CCSER1: variants seen among roughly 807,000 people sequenced by gnomAD.
CCSER1 encodes the protein serine-rich coiled-coil domain-containing protein 1.
A neutral mutation model predicts 82.0 loss-of-function variants in CCSER1; 41 were observed. The ratio of observed to expected loss-of-function variants is 0.50; its 90% confidence interval spans 0.39 to 0.65. CCSER1 has a LOEUF of 0.65. Among genes scored for constraint, CCSER1 ranks in the 30% least tolerant of loss-of-function variants. The probability of loss-of-function intolerance (pLI) is 0.00; values close to 1 mark genes in which losing one functional copy is unlikely to be tolerated. For synonymous variants in CCSER1, 414 were observed against 383.9 expected, an observed-to-expected ratio of 1.08 and a Z score of -0.92; for missense variants, 1,119 against 1,064.2, an observed-to-expected ratio of 1.05 and a Z score of -0.72.
At chr4:91,069,491 ATTAG>A (rs753302184) in intron 9 of CCSER1, among the ~76,000 whole-genome samples, 12 of 152,194 alleles carry the variant, frequency 7.9e-5, no homozygotes, top group Non-Finnish European at 1.2e-4. Flanking sequence ...TTTAATTAAT[ATTAG>A]TTTAGTATCT....
intron 5 of CCSER1, among the ~76,000 whole-genome samples, chr4:90,499,033 T>G (rs1359666890): frequency 6.6e-6 from 1 of 152,142 alleles, no homozygotes; most frequent in Non-Finnish European, 1.5e-5. Context: ...ATTAATTATT[T>G]GGAAATCTTT....
intron 1 of CCSER1, among the ~76,000 whole-genome samples, chr4:90,218,788 A>T (rs906305137): frequency 6.6e-6 from 1 of 152,180 alleles, no homozygotes; most frequent in Non-Finnish European, 1.5e-5. Flanking sequence ...TGGAAGGCCA[A>T]AGTGGGAGAA....
chr4:91,336,850 T>C (rs188074341), intron 10 of CCSER1, among the ~76,000 whole-genome samples: 46 of 152,172 alleles, frequency 3.0e-4, no homozygotes, highest in Non-Finnish European at 5.0e-4. Context: ...TCAGGGAAAA[T>C]AACTGTTAAT....
intron 1 of CCSER1, among the ~76,000 whole-genome samples, chr4:90,262,167 C>T (rs1724454196): frequency 6.6e-6 from 1 of 151,808 alleles, no homozygotes; most frequent in South Asian, 2.1e-4. Flanking sequence ...ATTAAAGAAC[C>T]CTGTTTTGTC....
At chr4:90,921,911 T>C (rs1288756902) in intron 8 of CCSER1, among the ~76,000 whole-genome samples, 1 of 152,104 alleles carries the variant, frequency 6.6e-6, no homozygotes, top group Non-Finnish European at 1.5e-5. Context: ...TTACTACCTC[T>C]CCCTGTTCTT....
intron 1 of CCSER1, among the ~76,000 whole-genome samples, chr4:90,230,462 A>C (rs1337856573): frequency 6.6e-6 from 1 of 151,410 alleles, no homozygotes; most frequent in African/African-American, 2.4e-5. Context: ...TCTGGGATGC[A>C]TTCAAAGCAG....
intron 5 of CCSER1, among the ~76,000 whole-genome samples, chr4:90,485,150 C>A (rs1406836154): frequency 1.3e-5 from 2 of 152,236 alleles, no homozygotes; most frequent in Non-Finnish European, 2.9e-5. Context: ...GAGCGAGGCT[C>A]TGTGGGCGTA....
At chr4:90,656,825 A>G (rs1272442000) in intron 6 of CCSER1, among the ~76,000 whole-genome samples, 1 of 151,932 alleles carries the variant, frequency 6.6e-6, no homozygotes, top group African/African-American at 2.4e-5. Flanking sequence ...TTTAGTGGTT[A>G]TGATAGAGAT....
At position 91,522,498 on chromosome 4, in the gene CCSER1, T is replaced by C. The variant is rs528315698; in HGVS notation, c.2218-76074T>C. Among the ~76,000 whole-genome samples, 61 of 152,298 alleles carry C rather than the reference T, an allele frequency of 4.0e-4. 1 individual carries two copies. In the East Asian group the frequency reaches 7.0e-3, roughly 17 times the overall value. On this transcript the variant is annotated intron_variant, in intron 10 of 10. Transcript: ENST00000509176. ...ATTTTCACGATATTGATTCTTCCTA[T>C]CCATGAGCATGGAATGTTCTTCCAT...
chr4:91,391,458 G>A (rs923833339), intron 10 of CCSER1, among the ~76,000 whole-genome samples: 27 of 151,894 alleles, frequency 1.8e-4, no homozygotes, highest in African/African-American at 6.0e-4. Flanking sequence ...GTGCCACCAC[G>A]CCTCACTAAT....
In CCSER1 at chr4:91,490,472, A is replaced by C. The variant is rs1017512829; in HGVS notation, c.2218-108100A>C. On this transcript the variant is annotated intron_variant, in intron 10 of 10. Transcript: ENST00000509176. Reference sequence around the variant, plus strand: ...AGATGGGACTGGAGGACATTATGTTAATTGGAATACACCAGGCCCAGAAAG... The same window carrying C: ...AGATGGGACTGGAGGACATTATGTTCATTGGAATACACCAGGCCCAGAAAG... Among the ~76,000 whole-genome samples, 3 of 152,196 alleles carry C rather than the reference A, an allele frequency of 2.0e-5. No homozygotes were observed. In the South Asian group the frequency reaches 6.2e-4, roughly 32 times the overall value.
At chr4:90,586,281 G>T (rs79583739) in intron 5 of CCSER1, among the ~76,000 whole-genome samples, 1 of 152,140 alleles carries the variant, frequency 6.6e-6, no homozygotes, top group South Asian at 2.1e-4. Flanking sequence ...CAATTTGTCC[G>T]TGGAAAAATT....
intron 1 of CCSER1, among the ~76,000 whole-genome samples, chr4:90,200,934 G>C (rs189736275): frequency 6.6e-5 from 10 of 152,130 alleles, no homozygotes; most frequent in Non-Finnish European, 1.2e-4. Flanking sequence ...CAGTATGTGG[G>C]TGAAATCAGC....
At chr4:90,247,372 GAAT>G (rs201601226) in intron 1 of CCSER1, among the ~76,000 whole-genome samples, 3,604 of 152,110 alleles carry the variant, frequency 0.024, 64 homozygotes, top group Non-Finnish European at 0.038. Context: ...GTTGCTATGT[GAAT>G]AATAATTCAC....
At chr4:91,132,074 C>T (rs1225871357) in intron 10 of CCSER1, among the ~76,000 whole-genome samples, 1 of 151,950 alleles carries the variant, frequency 6.6e-6, no homozygotes, top group Non-Finnish European at 1.5e-5. Flanking sequence ...ACTCCAGATT[C>T]CTCTCAAATT....
intron 10 of CCSER1, among the ~76,000 whole-genome samples, chr4:91,449,192 T>C (rs1475524069): frequency 6.6e-6 from 1 of 152,026 alleles, no homozygotes; most frequent in African/African-American, 2.4e-5. Context: ...CCTGAGAAGC[T>C]GCTCTCACCA....
chr4:90,309,371 T>A lies in CCSER1; in HGVS notation c.1087T>A (p.Ser363Thr). The A allele has an allele frequency of 1.2e-6, 2 of 1,613,800 alleles. No homozygotes were observed. Among genetic ancestry groups the A allele is most frequent in the Non-Finnish European group, 1.7e-6 (2 of 1,179,812 alleles). Residue 363 changes from serine (S) to threonine (T), a missense_variant, in exon 2 of 11, where the codon TCA (serine) becomes ACA (threonine). Coordinates refer to ENST00000509176, the MANE Select transcript of CCSER1 (RefSeq NM_001145065.2). ...ACTACCTGCTACAAGTGTGAGCCAC[T>A]CAGAGAGTAACCTACCAGCAGATAG... The part of the protein sequence containing the change: ...AELPATSVSH[S>T]ESNLPADSER...
chr4:91,341,526 A>G (rs899848214), intron 10 of CCSER1, among the ~76,000 whole-genome samples: 2 of 152,154 alleles, frequency 1.3e-5, no homozygotes, highest in Admixed American at 1.3e-4. Context: ...TTAGAATAAA[A>G]TGATAGTTTT....
intron 5 of CCSER1, among the ~76,000 whole-genome samples, chr4:90,577,867 G>A (rs1036683266): frequency 4.6e-5 from 7 of 151,702 alleles, no homozygotes; most frequent in African/African-American, 1.7e-4. Flanking sequence ...GATGTTTATG[G>A]CATATAATGA....
Sources: gnomAD v4.1 joint callset for allele counts (sites outside exome capture counted in the v4.1 genomes callset) on GRCh38, gnomAD v4.1.1 for gene constraint, MANE v1.5 for transcripts, NCBI Gene and HGNC (gene_info 2026-07-23, HGNC 2026-07-21) for gene names.